IQCM: variants seen among roughly 807,000 people sequenced by gnomAD.
The protein encoded by IQCM is IQ motif containing M, also known as IQ domain-containing protein M.
IQCM carries 45 observed loss-of-function variants against 57.6 expected under a neutral mutation model. That is an observed-to-expected ratio of 0.78 (90% CI 0.62 to 1.00). The LOEUF is 1.00. Ranked by LOEUF, IQCM falls within the 50% of genes least tolerant of loss-of-function variation. IQCM has a pLI of 0.00. For missense variants in IQCM, 468 were observed against 511.6 expected (o/e 0.91, Z 0.82); for synonymous variants, 148 against 158.9 (o/e 0.93, Z 0.51).
At chr4:149,758,509 T>C (rs1769200316) in intron 2 of IQCM, among the ~76,000 whole-genome samples, 1 of 152,204 alleles carries the variant, frequency 6.6e-6, no homozygotes, top group Admixed American at 6.5e-5. Flanking sequence ...ACTTCTGCTC[T>C]GTAAAAGACA....
rs954228055 is a variant in IQCM at position 149,587,996 on chromosome 4, T to G, written c.683A>C (p.Lys228Thr). 2 of 1,217,408 alleles carry G rather than the reference T, an allele frequency of 1.6e-6. No homozygotes were observed. Among genetic ancestry groups the G allele is most frequent in the Non-Finnish European group, 2.1e-6 (2 of 975,246 alleles). 75.4% of individuals were successfully genotyped at this position (1,217,408 alleles called of 1,614,324 possible). Reference protein sequence around the residue: ...SSSIFRDYYSKTFKTLIKKER... With the variant: ...SSSIFRDYYSTTFKTLIKKER... ...CTTTTTAATAAGGGTTTTAAAGGTT[T>G]TCTATAATAAGGAAAAGAAGAGTTG... Residue 228 changes from lysine (K) to threonine (T), a missense_variant and splice_region_variant, in exon 9 of 14, where the codon AAA (lysine) becomes ACA (threonine). Coordinates refer to ENST00000636793, the MANE Select transcript of IQCM (RefSeq NM_001363507.2).
At chr4:149,692,637 A>C (rs938140848) in intron 5 of IQCM, among the ~76,000 whole-genome samples, 1 of 152,208 alleles carries the variant, frequency 6.6e-6, no homozygotes, top group African/African-American at 2.4e-5. Flanking sequence ...AAAAAGTAGT[A>C]TATAGAGTTA....
intron 13 of IQCM, among the ~76,000 whole-genome samples, chr4:149,396,048 T>G (rs1322953559): frequency 3.3e-5 from 5 of 151,982 alleles, no homozygotes; most frequent in Non-Finnish European, 5.9e-5. Context: ...TTTTTAGTTT[T>G]TTAACAGATA....
At chr4:149,422,770 T>G (rs568483399) in intron 13 of IQCM, among the ~76,000 whole-genome samples, 32 of 152,092 alleles carry the variant, frequency 2.1e-4, no homozygotes, top group African/African-American at 7.2e-4. Context: ...TTCTAATACC[T>G]CCTAACTGGC....
chr4:149,534,826 C>T (rs1015241475), intron 12 of IQCM, among the ~76,000 whole-genome samples: 1 of 151,944 alleles, frequency 6.6e-6, no homozygotes, highest in African/African-American at 2.4e-5. Context: ...TCTTATGGAC[C>T]AATCATGGCT....
At chr4:149,742,616 TTATGACTTG>T in intron 3 of IQCM, 30 bp downstream of exon 3, 1 of 1,183,938 alleles carries the variant, frequency 8.4e-7, no homozygotes, top group Non-Finnish European at 1.1e-6. Context: ...AGTTGGAGTG[TTATGACTTG>T]TACTATGTTA....
At chr4:149,562,486 T>C (rs911529495) in intron 10 of IQCM, among the ~76,000 whole-genome samples, 4 of 152,196 alleles carry the variant, frequency 2.6e-5, no homozygotes, top group African/African-American at 9.6e-5. Flanking sequence ...AAGAGCTTTG[T>C]GGAGTAAGAA....
chr4:149,618,727 T>C (rs1756019837), intron 8 of IQCM, among the ~76,000 whole-genome samples: 1 of 151,932 alleles, frequency 6.6e-6, no homozygotes, highest in Non-Finnish European at 1.5e-5. Context: ...AACAAACATA[T>C]GAAAAAATGC....
At chr4:149,738,353 C>T (rs1018096820) in intron 3 of IQCM, among the ~76,000 whole-genome samples, 1 of 152,188 alleles carries the variant, frequency 6.6e-6, no homozygotes, top group Non-Finnish European at 1.5e-5. Flanking sequence ...ATTTAATGTG[C>T]TGATGCAGCT....
intron 13 of IQCM, among the ~76,000 whole-genome samples, chr4:149,390,179 G>T (rs1731746361): frequency 6.6e-6 from 1 of 151,836 alleles, no homozygotes; most frequent in Admixed American, 6.6e-5. Context: ...TACTTATATT[G>T]TTAGAATTAT....
intron 2 of IQCM, among the ~76,000 whole-genome samples, chr4:149,767,079 G>A (rs2149978579): frequency 6.6e-6 from 1 of 152,010 alleles, no homozygotes; most frequent in Admixed American, 6.6e-5. Context: ...ATGAAATTGT[G>A]ATGCAATTTC....
chr4:149,610,636 T>C (rs1579690049), intron 8 of IQCM, among the ~76,000 whole-genome samples: 1 of 151,988 alleles, frequency 6.6e-6, no homozygotes, highest in Non-Finnish European at 1.5e-5. Flanking sequence ...CAGTCTTCAA[T>C]AAATGGTGCT....
At chr4:149,689,169 T>C (rs1762765378) in intron 5 of IQCM, among the ~76,000 whole-genome samples, 1 of 151,956 alleles carries the variant, frequency 6.6e-6, no homozygotes, top group South Asian at 2.1e-4. Flanking sequence ...CAAATGCCCA[T>C]CAGTGATAGA....
chr4:149,417,353 C>G (rs1733816448), intron 13 of IQCM, among the ~76,000 whole-genome samples: 1 of 152,076 alleles, frequency 6.6e-6, no homozygotes, highest in South Asian at 2.1e-4. Context: ...GCATGTTCAT[C>G]TCTTGCACAT....
chr4:149,597,155 C>T (rs568907315), intron 8 of IQCM, among the ~76,000 whole-genome samples: 9 of 151,840 alleles, frequency 5.9e-5, no homozygotes, highest in Non-Finnish European at 1.3e-4. Flanking sequence ...AAATAAAACA[C>T]ATAATATTTA....
chr4:149,675,515 T>A (rs1256753912), intron 7 of IQCM, among the ~76,000 whole-genome samples: 2 of 152,000 alleles, frequency 1.3e-5, no homozygotes, highest in African/African-American at 4.8e-5. Context: ...GGTTAAGGAT[T>A]CTGAGTTTTT....
In IQCM at chr4:149,425,192, C is replaced by T. The variant is rs150922993; in HGVS notation, c.1390+8204G>A. On this transcript the variant is annotated intron_variant, in intron 13 of 13. Coordinates refer to ENST00000636793, the MANE Select transcript of IQCM (RefSeq NM_001363507.2). ...AGAGTATAAAGTGAATAAATATTAA[C>T]TTTACATTAATTATACAATTTTGTC... Among the ~76,000 whole-genome samples, 315 of 152,024 alleles carry T rather than the reference C, an allele frequency of 2.1e-3. 3 individuals carry two copies. The highest frequency in any genetic ancestry group is 7.1e-3 in the African/African-American group (296 of 41,526).
chr4:149,713,622 T>C (rs1764746069), intron 5 of IQCM, among the ~76,000 whole-genome samples: 1 of 152,212 alleles, frequency 6.6e-6, no homozygotes, highest in African/African-American at 2.4e-5. Context: ...GCTGCTTTTT[T>C]TGCTTCCTAT....
intron 9 of IQCM, among the ~76,000 whole-genome samples, chr4:149,583,657 G>T (rs1225188326): frequency 6.6e-6 from 1 of 151,506 alleles, no homozygotes; most frequent in Non-Finnish European, 1.5e-5. Context: ...TTTGCAATAT[G>T]GTTAGAGGTA....
Sources: gnomAD v4.1 joint callset for allele counts (sites outside exome capture counted in the v4.1 genomes callset) on GRCh38, gnomAD v4.1.1 for gene constraint, MANE v1.5 for transcripts, NCBI Gene and HGNC (gene_info 2026-07-23, HGNC 2026-07-21) for gene names.